TRIO: variants seen among roughly 807,000 people sequenced by gnomAD.
TRIO encodes the protein trio Rho guanine nucleotide exchange factor, also known as triple functional domain protein.
Under a neutral mutation model 351.9 loss-of-function variants are expected in TRIO, and 58 were observed. That is an observed-to-expected ratio of 0.16 (90% CI 0.13 to 0.21). TRIO has a LOEUF of 0.21. Among genes scored for constraint, TRIO ranks in the 10% least tolerant of loss-of-function variants. The pLI, the probability that TRIO is intolerant of heterozygous loss-of-function variation, is 1.00. For missense variants in TRIO, 3,201 were observed against 4,027.8 expected, an observed-to-expected ratio of 0.79 and a Z score of 5.56; for synonymous variants, 1,758 against 1,595.7, an observed-to-expected ratio of 1.10 and a Z score of -2.42.
chr5:14,264,791 C>T (rs1795566044), intron 1 of TRIO, among the ~76,000 whole-genome samples: 1 of 152,220 alleles, frequency 6.6e-6, no homozygotes, highest in Non-Finnish European at 1.5e-5. Flanking sequence ...AAGTGGCCGG[C>T]CCGGAGAGGG....
chr5:14,503,587 G>A (rs1259778733), intron 54 of TRIO, among the ~76,000 whole-genome samples: 1 of 152,212 alleles, frequency 6.6e-6, no homozygotes, highest in Non-Finnish European at 1.5e-5. Flanking sequence ...CGTGAGGGCA[G>A]TGGCATCCCA....
At chr5:14,171,226 A>C (rs756419909) in intron 1 of TRIO, among the ~76,000 whole-genome samples, 1 of 152,236 alleles carries the variant, frequency 6.6e-6, no homozygotes, top group Non-Finnish European at 1.5e-5. Flanking sequence ...CTGTACACGC[A>C]ATGAGTTATT....
chr5:14,390,877 G>T (rs981099751), intron 26 of TRIO, 24 bp from the exon 27 acceptor site: 3 of 1,562,522 alleles, frequency 1.9e-6, no homozygotes, highest in Non-Finnish European at 2.6e-6. Context: ...ATTTAAATGA[G>T]ATCTTTTTTT....
chr5:14,261,997 C>G lies in TRIO; in HGVS notation c.158-8828C>G, dbSNP rs1489433210. On this transcript the variant is annotated intron_variant, in intron 1 of 56. Coordinates refer to ENST00000344204, the MANE Select transcript of TRIO (RefSeq NM_007118.4). ...GCATGCGTTGGAGCTGTCGCTATTG[C>G]TCTGTGCCTAGATGGATACTCTGCC... Among the ~76,000 whole-genome samples the G allele has an allele frequency of 2.0e-5, 3 of 152,182 alleles. No homozygotes were observed. In the East Asian group the frequency reaches 5.8e-4, roughly 29 times the overall value.
chr5:14,454,906 G>A (rs772892868), intron 34 of TRIO, among the ~76,000 whole-genome samples: 1 of 152,186 alleles, frequency 6.6e-6, no homozygotes, highest in Non-Finnish European at 1.5e-5. Flanking sequence ...TGGTGGGTTC[G>A]TGGGCTCACT....
rs568905623 is a variant in TRIO at position 14,328,316 on chromosome 5, A to G, written c.1732-2462A>G. 3.5e-4 allele frequency among the ~76,000 whole-genome samples: 53 copies of G among 152,386 alleles called. No individual in the cohort carries two copies. In the South Asian group the frequency reaches 5.8e-3, roughly 17 times the overall value. ...TACGCTAGTTAAAACAATGTGCTCA[A>G]TACACTAGTTAAAACAATGCACTGA... On this transcript the variant is annotated intron_variant, in intron 9 of 56. Transcript: ENST00000344204.
intron 1 of TRIO, among the ~76,000 whole-genome samples, chr5:14,201,500 T>G (rs1002755118): frequency 1.3e-5 from 2 of 152,182 alleles, no homozygotes; most frequent in African/African-American, 4.8e-5. Flanking sequence ...GGTCATATCC[T>G]GTGGTTTTAA....
chr5:14,182,354 C>G (rs1169132368), intron 1 of TRIO, among the ~76,000 whole-genome samples: 1 of 152,176 alleles, frequency 6.6e-6, no homozygotes, highest in African/African-American at 2.4e-5. Flanking sequence ...TAATGTTAGT[C>G]TTTGGCTCAC....
intron 19 of TRIO, among the ~76,000 whole-genome samples, chr5:14,376,242 C>T (rs576273147): frequency 5.9e-5 from 9 of 152,208 alleles, no homozygotes; most frequent in South Asian, 2.1e-4. Context: ...ATAAAGTTAC[C>T]GGGAACCCTT....
chr5:14,375,575 C>T (rs188052550), intron 19 of TRIO, among the ~76,000 whole-genome samples: 9 of 152,292 alleles, frequency 5.9e-5, no homozygotes, highest in Admixed American at 5.9e-4. Context: ...TTTATTTATG[C>T]TCGAGTCAGT....
At chr5:14,396,789 G>T (rs1286276746) in intron 28 of TRIO, among the ~76,000 whole-genome samples, 1 of 151,990 alleles carries the variant, frequency 6.6e-6, no homozygotes, top group East Asian at 1.9e-4. Context: ...CATTTTTGAG[G>T]CTTGATTGTT....
chr5:14,304,740 C>A, intron 8 of TRIO, 148 bp downstream of exon 8: 1 of 957,474 alleles, frequency 1.0e-6, no homozygotes, highest in Non-Finnish European at 1.5e-6. Flanking sequence ...AGCATTTGAA[C>A]CCCTGTGTGT....
At chr5:14,492,332 A>T (rs1232846086) in intron 48 of TRIO, 4 of 568,736 alleles carry the variant, frequency 7.0e-6, no homozygotes, top group East Asian at 3.1e-5. Flanking sequence ...ATTGCAGTGA[A>T]TTTTTTAAGA....
At chr5:14,214,969 A>T (rs1195601553) in intron 1 of TRIO, among the ~76,000 whole-genome samples, 2 of 152,210 alleles carry the variant, frequency 1.3e-5, no homozygotes, top group Non-Finnish European at 2.9e-5. Context: ...CTTGACTTGG[A>T]GGAAGAAAGT....
In TRIO at chr5:14,482,906, G is replaced by A. The variant is rs1027456221; in HGVS notation, c.6657+133G>A. On this transcript the variant is annotated intron_variant, in intron 46 of 56. Transcript: ENST00000344204. ...TGAGAATTTTCTAGTATATTTCAGA[G>A]CCTTGAATTCACCCCATTTCTCTTT... 1.5e-5 allele frequency: 13 copies of A among 886,258 alleles called. No individual in the cohort carries two copies. The African/African-American group carries it at 2.3e-4, about 15-fold the overall frequency. The allele number at this position is 886,258 out of a possible 1,614,324, so 54.9% of individuals were successfully genotyped here. A position where few individuals can be genotyped will look rare whatever the true frequency, so the allele number is the denominator to read the frequency against.
rs778624373 is a variant in TRIO at position 14,461,257 on chromosome 5, G to A, written c.5442G>A (p.Ser1814=). ...TCCGCAAGAGCGCCGACGCCGGCTC[G>A]CAGAAGGACTCCGACGACAGTGCGG... The part of the protein sequence containing the change: ...REVRKSADAG[S]QKDSDDSAAT... Residue 1814 remains serine, a synonymous_variant, in exon 35 of 57, where the codon TCG becomes TCA. Coordinates refer to ENST00000344204, the MANE Select transcript of TRIO (RefSeq NM_007118.4). 1.9e-6 allele frequency: 3 copies of A among 1,595,508 alleles called. No individual in the cohort carries two copies. The highest frequency in any genetic ancestry group is 1.3e-5 in the African/African-American group (1 of 74,724).
intron 34 of TRIO, among the ~76,000 whole-genome samples, chr5:14,451,565 T>C (rs1752852219): frequency 6.6e-6 from 1 of 152,254 alleles, no homozygotes; most frequent in Non-Finnish European, 1.5e-5. Flanking sequence ...AAAAATGTGA[T>C]TTATTGCATC....
chr5:14,444,284 A>C (rs947270797), intron 34 of TRIO, among the ~76,000 whole-genome samples: 1 of 152,262 alleles, frequency 6.6e-6, no homozygotes, highest in Non-Finnish European at 1.5e-5. Context: ...CTGTCAGTAC[A>C]TGGAATATTC....
chr5:14,264,895 G>A (rs1795577178), intron 1 of TRIO, among the ~76,000 whole-genome samples: 1 of 152,172 alleles, frequency 6.6e-6, no homozygotes, highest in South Asian at 2.1e-4. Flanking sequence ...GTGTGCAGGC[G>A]TGCGCGCGCG....
Sources: gnomAD v4.1 joint callset for allele counts (sites outside exome capture counted in the v4.1 genomes callset) on GRCh38, gnomAD v4.1.1 for gene constraint, MANE v1.5 for transcripts, NCBI Gene and HGNC (gene_info 2026-07-23, HGNC 2026-07-21) for gene names.